The following CHAF1A variants were observed in gnomAD, a reference collection of about 807,000 sequenced individuals.
The protein encoded by CHAF1A is chromatin assembly factor 1 subunit A.
A neutral mutation model predicts 93.2 loss-of-function variants in CHAF1A; 5 were observed. The ratio of observed to expected loss-of-function variants is 0.05; its 90% confidence interval spans 0.03 to 0.11. The LOEUF (loss-of-function observed/expected upper bound fraction) is 0.11. Ranked by LOEUF, CHAF1A falls within the 10% of genes least tolerant of loss-of-function variation. The pLI, the probability that CHAF1A is intolerant of heterozygous loss-of-function variation, is 1.00. For synonymous variants in CHAF1A, 504 were observed against 510.3 expected (o/e 0.99, Z 0.17); for missense variants, 1,102 against 1,259.9 (o/e 0.87, Z 1.90).
chr19:4,411,645 T>TTTTTTTTTTTTTTTTTTC (rs1973804567), intron 3 of CHAF1A, among the ~76,000 whole-genome samples: 1 of 35,626 alleles, frequency 2.8e-5, no homozygotes, highest in African/African-American at 1.2e-4. Flanking sequence ...GGTGCAAATC[T>TTTTTTTTTTTTTTTTTTC]TTTTTTTTTT....
intron 3 of CHAF1A, among the ~76,000 whole-genome samples, chr19:4,412,509 A>C (rs901232829): frequency 6.6e-6 from 1 of 151,812 alleles, no homozygotes; most frequent in Non-Finnish European, 1.5e-5. Context: ...GTGCCATTGC[A>C]CTCCAGCCTG....
chr19:4,433,535 G>C lies in CHAF1A; in HGVS notation c.2669G>C (p.Gly890Ala). The change falls in exon 13 of 15, where the codon GGC becomes GCC. Residue 890 changes from glycine (G) to alanine (A), a missense_variant. Physicochemically the swap from Gly to Ala is moderately conservative, Grantham distance 60 (BLOSUM62 0). This residue lies in a region of CHAF1A where 119 missense variants were observed against 102.2 expected (regional missense o/e 1.16). Transcript: ENST00000301280. The surrounding 1 kb of genome is among the most constrained non-coding windows in gnomAD (Gnocchi z 5.6). ...TQFMKKRRHD[G>A]QIGAEDMDGF... ...TTCATGAAGAAGCGCAGGCACGACG[G>C]CCAGGTGAGGTGGGGTGGGCAGGTG... 1 of 1,572,976 alleles carries C rather than the reference G, an allele frequency of 6.4e-7. No individual in the cohort carries two copies. The highest frequency in any genetic ancestry group is 1.1e-5 in the South Asian group (1 of 88,186).
At chr19:4,445,597 C>A (rs138428778), downstream of CHAF1A, 5 of 1,613,618 alleles carry the variant, frequency 3.1e-6, no homozygotes, top group Non-Finnish European at 4.2e-6. Context: ...CCATGTCCCA[C>A]GAGAAGGTCA....
intron 13 of CHAF1A, among the ~76,000 whole-genome samples, chr19:4,436,941 C>A (rs1042412875): frequency 6.6e-6 from 1 of 152,224 alleles, no homozygotes; most frequent in Non-Finnish European, 1.5e-5. Context: ...GCCTGTTTAT[C>A]ATCCCTAACC....
Position 4,434,737 on chromosome 19 carries a change from C to T in CHAF1A, c.2673+1198C>T, listed in dbSNP as rs189490888. On this transcript the variant is annotated intron_variant, in intron 13 of 14. Coordinates refer to ENST00000301280, the MANE Select transcript of CHAF1A (RefSeq NM_005483.3). ...TTTGTTCAACGGTTCTTGAATTTTG[C>T]ATTCAAGCACAGTTATTAAGCACTT... is the stretch of plus-strand genomic sequence containing the variant. 1.5e-3 allele frequency among the ~76,000 whole-genome samples: 221 copies of T among 152,150 alleles called. 2 individuals carry two copies. Among genetic ancestry groups the T allele is most frequent in the African/African-American group, 4.9e-3 (205 of 41,506 alleles).
intron 11 of CHAF1A, 105 bp from the exon 12 acceptor site, chr19:4,431,847 C>T (rs1277543627): frequency 2.7e-6 from 4 of 1,456,254 alleles, no homozygotes; most frequent in African/African-American, 1.4e-5. Context: ...GTGCCCCTGT[C>T]CTTTCCTCTT....
At chr19:4,427,710 C>T (rs1974110100) in intron 7 of CHAF1A, among the ~76,000 whole-genome samples, 1 of 152,228 alleles carries the variant, frequency 6.6e-6, no homozygotes, top group South Asian at 2.1e-4. Flanking sequence ...GCCTCAGGCT[C>T]CCAAGTAGCT....
chr19:4,431,853 C>G lies in CHAF1A; in HGVS notation c.1948-99C>G, dbSNP rs2145129956. On this transcript the variant is annotated intron_variant, in intron 11 of 14. Coordinates refer to ENST00000301280, the MANE Select transcript of CHAF1A (RefSeq NM_005483.3). ...GGAAGTTTTGTGCCCCTGTCCTTTC[C>G]TCTTGCTCCCCAGCTGGCTGGGGAC... is the stretch of plus-strand genomic sequence containing the variant. The G allele has an allele frequency of 2.0e-6, 3 of 1,485,940 alleles. No homozygotes were observed. In the South Asian group the frequency reaches 4.0e-5, roughly 20 times the overall value. The allele number at this position is 1,485,940 out of a possible 1,614,324, so 92.0% of individuals were successfully genotyped here. A position where few individuals can be genotyped will look rare whatever the true frequency, so the allele number is the denominator to read the frequency against.
intron 5 of CHAF1A, among the ~76,000 whole-genome samples, chr19:4,423,113 G>A (rs902923540): frequency 6.6e-6 from 1 of 152,148 alleles, no homozygotes; most frequent in African/African-American, 2.4e-5. Flanking sequence ...GCTCTGACTG[G>A]CTAAAGTTTT....
chr19:4,431,865 A>T, intron 11 of CHAF1A, 87 bp from the exon 12 acceptor site: 1 of 1,511,696 alleles, frequency 6.6e-7, no homozygotes, highest in Non-Finnish European at 8.9e-7. Context: ...CTTGCTCCCC[A>T]GCTGGCTGGG....
chr19:4,441,642 C>G (rs563839527), intron 13 of CHAF1A, among the ~76,000 whole-genome samples: 1 of 151,058 alleles, frequency 6.6e-6, no homozygotes, highest in Non-Finnish European at 1.5e-5. Flanking sequence ...CATGGTGGCT[C>G]ACACCTGTAA....
chr19:4,408,805 C>T (rs878993865), intron 2 of CHAF1A, 98 bp from the exon 3 acceptor site: 2 of 1,436,092 alleles, frequency 1.4e-6, no homozygotes, highest in Middle Eastern at 1.8e-4. Context: ...TTAAAATTAT[C>T]TCCCACCCCC....
rs577639114 is a variant in CHAF1A, at chr19:4,433,006, T to C, written c.2204-64T>C. ...CAATGAGCTTGTGTATGTGTTTTGT[T>C]TTTTGGCCTGTGGTGATGGGTGGCT... On this transcript the variant is annotated intron_variant, in intron 12 of 14. Coordinates refer to ENST00000301280, the MANE Select transcript of CHAF1A (RefSeq NM_005483.3). This position sits in a 1 kb window ranked among gnomAD's most constrained non-coding sequence, Gnocchi z 5.6. The C allele has an allele frequency of 1.2e-4, 165 of 1,335,730 alleles. No homozygotes were observed. The African/African-American group carries it at 2.1e-3, about 17-fold the overall frequency. 82.7% of individuals were successfully genotyped at this position (1,335,730 alleles called of 1,614,324 possible).
chr19:4,422,023 T>A lies in CHAF1A; in HGVS notation c.1018-543T>A, dbSNP rs934695774. Among the ~76,000 whole-genome samples the A allele has an allele frequency of 8.6e-5, 13 of 151,562 alleles. No individual in the cohort carries two copies. The highest frequency in any genetic ancestry group is 3.9e-4 in the East Asian group (2 of 5,162). On this transcript the variant is annotated intron_variant, in intron 4 of 14. Coordinates refer to ENST00000301280, the MANE Select transcript of CHAF1A (RefSeq NM_005483.3). This position sits in a 1 kb window ranked among gnomAD's most constrained non-coding sequence, Gnocchi z 4.6. ...CGCCTGGCTAATTTTTTTTTTTTTTTTTATTAAATGGAGTCTCACTCTGTC... is the reference window on the plus strand; with the variant it reads ...CGCCTGGCTAATTTTTTTTTTTTTTATTATTAAATGGAGTCTCACTCTGTC...
At position 4,423,527 on chromosome 19, in the gene CHAF1A, G is replaced by T. The variant is rs1974027934; in HGVS notation, c.1308+132G>T. ...AAACCAAATGGCGCCCGCAGGGAGG[G>T]CGAGTCTGTCTAGATGCGTTCTTGT... is the stretch of plus-strand genomic sequence containing the variant. On this transcript the variant is annotated intron_variant, in intron 6 of 14. Transcript: ENST00000301280. 2.7e-6 allele frequency: 4 copies of T among 1,490,570 alleles called. No homozygotes were observed. The South Asian group carries it at 5.2e-5, about 20-fold the overall frequency. 92.3% of individuals were successfully genotyped at this position (1,490,570 alleles called of 1,614,324 possible). A position where few individuals can be genotyped will look rare whatever the true frequency, so the allele number is the denominator to read the frequency against.
Position 4,429,149 on chromosome 19 carries a change from C to G in CHAF1A, c.1604+259C>G, listed in dbSNP as rs1974136381. ...TGCTGGTCTCCAGTGAAGGATACCC[C>G]CCAACACCTCGCTCTTGCAAATCTC... On this transcript the variant is annotated intron_variant, in intron 8 of 14. Coordinates refer to ENST00000301280, the MANE Select transcript of CHAF1A (RefSeq NM_005483.3). The G allele has an allele frequency of 8.4e-6, 5 of 593,266 alleles. No individual in the cohort carries two copies. In the South Asian group the frequency reaches 1.0e-4, roughly 12 times the overall value. The allele number at this position is 593,266 out of a possible 1,614,324, so 36.8% of individuals were successfully genotyped here. A position where few individuals can be genotyped will look rare whatever the true frequency, so the allele number is the denominator to read the frequency against.
downstream of CHAF1A, chr19:4,445,404 T>A: frequency 1.3e-6 from 2 of 1,574,214 alleles, no homozygotes; most frequent in East Asian, 2.3e-5. Context: ...GCCAAGTATT[T>A]CCAGAGGTGG....
intron 7 of CHAF1A, among the ~76,000 whole-genome samples, chr19:4,427,369 C>T (rs1974104053): frequency 7.0e-6 from 1 of 141,846 alleles, no homozygotes; most frequent in South Asian, 2.2e-4. Context: ...TTGCTCTATC[C>T]CCCAGGTTGG....
At chr19:4,406,788 A>G (rs1973689100) in intron 2 of CHAF1A, among the ~76,000 whole-genome samples, 2 of 152,214 alleles carry the variant, frequency 1.3e-5, no homozygotes, top group South Asian at 4.1e-4. Context: ...GGCTGGGTGC[A>G]GTGTTGCATA....
Sources: allele counts gnomAD v4.1 joint callset (sites outside exome capture counted in the v4.1 genomes callset), GRCh38; gene constraint gnomAD v4.1.1; regional missense constraint gnomAD v4.1.1; non-coding constraint Gnocchi (gnomAD v3.1); transcripts MANE v1.5; gene names NCBI Gene and HGNC (gene_info 2026-07-23, HGNC 2026-07-21).